Variants in GPR158 observed in about 807,000 individuals in gnomAD.
GPR158 encodes the protein G protein-coupled receptor 158, also known as metabotropic glycine receptor.
A neutral mutation model predicts 78.2 loss-of-function variants in GPR158; 30 were observed. The ratio of observed to expected loss-of-function variants is 0.38; its 90% confidence interval spans 0.29 to 0.52. GPR158 has a LOEUF of 0.52. GPR158 is among the 20% of genes least tolerant of loss of function. The probability of loss-of-function intolerance (pLI) is 0.83; values close to 1 mark genes in which losing one functional copy is unlikely to be tolerated. For missense variants in GPR158, 1,463 were observed against 1,523.5 expected, an observed-to-expected ratio of 0.96 and a Z score of 0.66; for synonymous variants, 581 against 591.1, an observed-to-expected ratio of 0.98 and a Z score of 0.25.
At chr10:25,289,912 C>A (rs58635166) in intron 2 of GPR158, among the ~76,000 whole-genome samples, 2 of 151,972 alleles carry the variant, frequency 1.3e-5, no homozygotes, top group African/African-American at 4.8e-5. Context: ...TAATAAGATA[C>A]GGAGATACAA....
chr10:25,338,374 T>C (rs926864095), intron 2 of GPR158, among the ~76,000 whole-genome samples: 6 of 142,162 alleles, frequency 4.2e-5, no homozygotes, highest in Non-Finnish European at 9.0e-5. Context: ...GATGACTATA[T>C]CTATATATCT....
At chr10:25,425,540 G>A (rs72782104) in intron 4 of GPR158, among the ~76,000 whole-genome samples, 5,968 of 151,522 alleles carry the variant, frequency 0.039, 123 homozygotes, top group African/African-American at 0.048. Context: ...CAACAAAAAT[G>A]AAGGTAAATA....
intron 2 of GPR158, among the ~76,000 whole-genome samples, chr10:25,253,655 C>G (rs905338695): frequency 1.3e-4 from 20 of 152,176 alleles, no homozygotes; most frequent in Non-Finnish European, 2.8e-4. Context: ...ATGAATGATG[C>G]TCTATAAACA....
At chr10:25,485,399 T>C (rs1353010962) in intron 5 of GPR158, among the ~76,000 whole-genome samples, 1 of 151,942 alleles carries the variant, frequency 6.6e-6, no homozygotes. Flanking sequence ...TAGAATCATA[T>C]AAATAAAAGC....
Position 25,598,254 on chromosome 10 carries a change from G to A in GPR158, c.2628G>A (p.Val876=). ...EAESTESVPL[V]CKSASAHNLS... ...AGTCCACGGAGTCGGTGCCGTTGGT[G>A]TGCAAGTCAGCAAGCGCTCACAACC... is the stretch of plus-strand genomic sequence containing the variant. The change falls in exon 11 of 11, where the codon GTG becomes GTA. Residue 876 remains valine, a synonymous_variant. Coordinates refer to ENST00000376351, the MANE Select transcript of GPR158 (RefSeq NM_020752.3). 1.9e-6 allele frequency: 3 copies of A among 1,614,094 alleles called. No individual in the cohort carries two copies. The highest frequency in any genetic ancestry group is 2.5e-6 in the Non-Finnish European group (3 of 1,180,014).
intron 2 of GPR158, among the ~76,000 whole-genome samples, chr10:25,351,008 A>G (rs1001938467): frequency 6.6e-6 from 1 of 151,990 alleles, no homozygotes; most frequent in Non-Finnish European, 1.5e-5. Context: ...AAATGCAACC[A>G]AAATGCTAGG....
intron 2 of GPR158, among the ~76,000 whole-genome samples, chr10:25,387,013 T>C (rs1834230575): frequency 6.6e-6 from 1 of 152,176 alleles, no homozygotes; most frequent in Non-Finnish European, 1.5e-5. Context: ...AGTACTATGT[T>C]TCGTGAAAGT....
chr10:25,332,121 G>C (rs1339557455), intron 2 of GPR158, among the ~76,000 whole-genome samples: 1 of 151,984 alleles, frequency 6.6e-6, no homozygotes, highest in Non-Finnish European at 1.5e-5. Context: ...ACCTGGGGGG[G>C]GGCGAATACA....
At chr10:25,565,689 G>T (rs996327870) in intron 6 of GPR158, among the ~76,000 whole-genome samples, 2 of 152,194 alleles carry the variant, frequency 1.3e-5, no homozygotes, top group African/African-American at 4.8e-5. Flanking sequence ...CCTCAGAATT[G>T]TCTTTTACAC....
At chr10:25,295,071 T>C (rs1268015175) in intron 2 of GPR158, among the ~76,000 whole-genome samples, 1 of 152,208 alleles carries the variant, frequency 6.6e-6, no homozygotes, top group East Asian at 1.9e-4. Context: ...TCTCAATCTG[T>C]CCCTTTCCCT....
intron 4 of GPR158, among the ~76,000 whole-genome samples, chr10:25,435,073 T>C (rs919701113): frequency 6.6e-6 from 1 of 152,196 alleles, no homozygotes; most frequent in African/African-American, 2.4e-5. Flanking sequence ...TATCTAAGGA[T>C]GTTAGACATG....
At chr10:25,508,652 G>A (rs1241302097) in intron 5 of GPR158, among the ~76,000 whole-genome samples, 4 of 152,098 alleles carry the variant, frequency 2.6e-5, no homozygotes, top group Non-Finnish European at 5.9e-5. Flanking sequence ...ACCACAAGTC[G>A]GGGGTAGGGG....
At chr10:25,539,462 C>A (rs1029224129) in intron 5 of GPR158, among the ~76,000 whole-genome samples, 1 of 151,762 alleles carries the variant, frequency 6.6e-6, no homozygotes, top group Non-Finnish European at 1.5e-5. Context: ...AGAATCACCA[C>A]TAAGACTTTG....
chr10:25,526,869 T>C (rs1033459014), intron 5 of GPR158, among the ~76,000 whole-genome samples: 7 of 152,266 alleles, frequency 4.6e-5, no homozygotes, highest in Admixed American at 6.5e-5. Context: ...TGGGAAGCAA[T>C]TGGGCAAAGA....
chr10:25,408,761 T>G (rs529376644), intron 3 of GPR158, among the ~76,000 whole-genome samples: 1 of 152,326 alleles, frequency 6.6e-6, no homozygotes, highest in African/African-American at 2.4e-5. Context: ...CTCAAATTGC[T>G]CTTGGCCTTA....
intron 2 of GPR158, among the ~76,000 whole-genome samples, chr10:25,330,271 C>T (rs532037087): frequency 1.3e-5 from 2 of 152,214 alleles, no homozygotes; most frequent in South Asian, 4.1e-4. Flanking sequence ...ATTCCTAACA[C>T]GGCCCCTCTT....
At chr10:25,369,807 T>C (rs1833959695) in intron 2 of GPR158, among the ~76,000 whole-genome samples, 1 of 152,056 alleles carries the variant, frequency 6.6e-6, no homozygotes, top group Non-Finnish European at 1.5e-5. Flanking sequence ...CTGGACTCTT[T>C]TTGGTTGGTA....
chr10:25,430,667 T>C (rs1451293069), intron 4 of GPR158, among the ~76,000 whole-genome samples: 1 of 147,848 alleles, frequency 6.8e-6, no homozygotes, highest in Non-Finnish European at 1.5e-5. Flanking sequence ...AACAGAGATA[T>C]AGATCAATGG....
At chr10:25,314,434 A>G (rs963354659) in intron 2 of GPR158, among the ~76,000 whole-genome samples, 1 of 152,084 alleles carries the variant, frequency 6.6e-6, no homozygotes, top group East Asian at 1.9e-4. Context: ...ATTTGCATCT[A>G]TGCCTTTTTA....
Sources: allele counts gnomAD v4.1 joint callset (sites outside exome capture counted in the v4.1 genomes callset), GRCh38; gene constraint gnomAD v4.1.1; transcripts MANE v1.5; gene names NCBI Gene and HGNC (gene_info 2026-07-23, HGNC 2026-07-21).